Variants in EPHB2 observed in about 807,000 individuals in gnomAD.
EPHB2 encodes EPH receptor B2.
Under a neutral mutation model 96.4 loss-of-function variants are expected in EPHB2, and 18 were observed. That is an observed-to-expected ratio of 0.19 (90% CI 0.13 to 0.28). The LOEUF is 0.28. EPHB2 is among the 10% of genes least tolerant of loss of function. The pLI, the probability that EPHB2 is intolerant of heterozygous loss-of-function variation, is 1.00. For synonymous variants in EPHB2, 506 were observed against 534.1 expected, an observed-to-expected ratio of 0.95 and a Z score of 0.72; for missense variants, 989 against 1,355.4, an observed-to-expected ratio of 0.73 and a Z score of 4.25.
chr1:22,728,054 C>T (rs929378776), intron 1 of EPHB2, among the ~76,000 whole-genome samples: 2 of 152,006 alleles, frequency 1.3e-5, no homozygotes, highest in African/African-American at 4.8e-5. Context: ...TCAGTTTACC[C>T]GGCTGTAAAA....
intron 6 of EPHB2, among the ~76,000 whole-genome samples, chr1:22,890,357 A>G (rs1639351864): frequency 6.6e-6 from 1 of 152,148 alleles, no homozygotes; most frequent in African/African-American, 2.4e-5. Context: ...CTGGCTTGGC[A>G]AAAGAGACTT....
intron 3 of EPHB2, among the ~76,000 whole-genome samples, chr1:22,853,414 C>T (rs1010962183): frequency 3.3e-5 from 5 of 152,238 alleles, no homozygotes; most frequent in Admixed American, 6.5e-5. Flanking sequence ...TACCCACCAT[C>T]ACTGTCACTG....
intron 13 of EPHB2, among the ~76,000 whole-genome samples, 175 bp downstream of exon 13, chr1:22,909,346 C>G (rs1640017744): frequency 1.3e-5 from 2 of 152,212 alleles, no homozygotes; most frequent in Non-Finnish European, 2.9e-5. Context: ...AATGTCTGCA[C>G]AGGACTCTGG....
chr1:22,913,885 G>A lies in EPHB2; in HGVS notation c.*315G>A. On this transcript the variant is annotated 3_prime_UTR_variant, in exon 16 of 16. Coordinates refer to ENST00000374630, the MANE Select transcript of EPHB2 (RefSeq NM_017449.5). The surrounding 1 kb of genome is among the most constrained non-coding windows in gnomAD (Gnocchi z 4.1). ...GCGGGGGATAAAAAAGGGCTTGGGA[G>A]ATTCATGCGATGTGTCCAATCGGAG... is the stretch of plus-strand genomic sequence containing the variant. 1 of 1,578,916 alleles carries A rather than the reference G, an allele frequency of 6.3e-7. No homozygotes were observed. The highest frequency in any genetic ancestry group is 8.6e-7 in the Non-Finnish European group (1 of 1,164,590).
intron 1 of EPHB2, among the ~76,000 whole-genome samples, chr1:22,721,057 C>T (rs1468429634): frequency 6.6e-6 from 1 of 152,130 alleles, no homozygotes; most frequent in Admixed American, 6.5e-5. Context: ...CTTCATTCTA[C>T]TATGAAAGAC....
At position 22,909,105 on chromosome 1, in the gene EPHB2, C is replaced by T. The variant is rs775782724; in HGVS notation, c.2436C>T (p.Tyr812=). The change falls in exon 13 of 16, where the codon TAC becomes TAT. Residue 812 remains tyrosine, a synonymous_variant. Transcript: ENST00000374630. ...KFTSASDVWS[Y]GIVMWEVMSY... ...CCTCGGCCAGTGATGTGTGGAGCTA[C>T]GGCATTGTCATGTGGGAGGTGATGT... is the stretch of plus-strand genomic sequence containing the variant. 3.5e-5 allele frequency: 57 copies of T among 1,614,084 alleles called. No homozygotes were observed. The highest frequency in any genetic ancestry group is 4.0e-5 in the African/African-American group (3 of 74,934).
chr1:22,862,917 G>A, intron 3 of EPHB2, 120 bp from the exon 4 acceptor site: 1 of 1,302,810 alleles, frequency 7.7e-7, no homozygotes, highest in East Asian at 2.3e-5. Flanking sequence ...AGATTTTCCA[G>A]CAGTGGTGCT....
chr1:22,852,066 C>T (rs1645632183), intron 3 of EPHB2, among the ~76,000 whole-genome samples: 2 of 152,224 alleles, frequency 1.3e-5, no homozygotes. Flanking sequence ...TCCATGTCCT[C>T]GTCTGTGAAA....
rs957527390 is a variant in EPHB2 at position 22,790,683 on chromosome 1, C to A, written c.811+5607C>A. Among the ~76,000 whole-genome samples, 3 of 152,232 alleles carry A rather than the reference C, an allele frequency of 2.0e-5. No homozygotes were observed. The highest frequency in any genetic ancestry group is 1.3e-4 in the Admixed American group (2 of 15,286). ...CTTTGGGGACCTTGCTCTGTTCTCT[C>A]CCAGTGGCCAACCCGCATCTGCGAG... On this transcript the variant is annotated intron_variant, in intron 3 of 15. Transcript: ENST00000374630. The surrounding 1 kb of genome is among the most constrained non-coding windows in gnomAD (Gnocchi z 4.0).
intron 5 of EPHB2, among the ~76,000 whole-genome samples, chr1:22,874,912 C>A (rs1638788909): frequency 6.6e-6 from 1 of 152,134 alleles, no homozygotes; most frequent in Non-Finnish European, 1.5e-5. Flanking sequence ...GCCAAATGAG[C>A]CTGCGACCAC....
chr1:22,888,558 G>A (rs1030084360), intron 6 of EPHB2, among the ~76,000 whole-genome samples: 4 of 152,160 alleles, frequency 2.6e-5, no homozygotes, highest in African/African-American at 7.2e-5. Context: ...CTGGCCCTAA[G>A]CTACCAGGTA....
chr1:22,866,023 C>T (rs558785139), intron 5 of EPHB2, among the ~76,000 whole-genome samples: 1 of 152,194 alleles, frequency 6.6e-6, no homozygotes, highest in South Asian at 2.1e-4. Flanking sequence ...TCCACTTGGG[C>T]TCCTAGCCTC....
chr1:22,913,991 A>G lies in EPHB2; in HGVS notation c.*421A>G. The G allele has an allele frequency of 2.2e-6, 3 of 1,349,182 alleles. No individual in the cohort carries two copies. Among genetic ancestry groups the G allele is most frequent in the Non-Finnish European group, 3.0e-6 (3 of 1,009,958 alleles). 83.6% of individuals were successfully genotyped at this position (1,349,182 alleles called of 1,614,324 possible). On this transcript the variant is annotated 3_prime_UTR_variant, in exon 16 of 16. Transcript: ENST00000374630. The surrounding 1 kb of genome is among the most constrained non-coding windows in gnomAD (Gnocchi z 4.1). ...AAACACTTTCAGAAAAACAAATGTG[A>G]AGGGGAGAGACAGGGGCCGCCCTTG...
intron 1 of EPHB2, among the ~76,000 whole-genome samples, chr1:22,731,848 CAA>C (rs1305495356): frequency 6.6e-6 from 1 of 152,160 alleles, no homozygotes; most frequent in East Asian, 1.9e-4. Context: ...TCAAACAAAA[CAA>C]AACAACAACA....
chr1:22,738,139 T>C (rs1643866117), intron 1 of EPHB2, among the ~76,000 whole-genome samples: 2 of 152,238 alleles, frequency 1.3e-5, no homozygotes, highest in Non-Finnish European at 2.9e-5. Flanking sequence ...TCTTAGAGGC[T>C]ACCTGGCCCA....
At chr1:22,776,181 C>T (rs895490784) in intron 1 of EPHB2, among the ~76,000 whole-genome samples, 1 of 152,176 alleles carries the variant, frequency 6.6e-6, no homozygotes, top group African/African-American at 2.4e-5. Context: ...GCGCTTGATT[C>T]CCACAAACCC....
rs1261109380 is a variant in EPHB2, at chr1:22,917,854, G to C, written c.*4284G>C. 8 of 152,350 alleles carry C rather than the reference G, an allele frequency of 5.3e-5. No individual in the cohort carries two copies. The highest frequency in any genetic ancestry group is 5.2e-4 in the Admixed American group (8 of 15,282). 9.4% of individuals were successfully genotyped at this position (152,350 alleles called of 1,614,324 possible). On this transcript the variant is annotated 3_prime_UTR_variant, in exon 16 of 16. Coordinates refer to ENST00000374630, the MANE Select transcript of EPHB2 (RefSeq NM_017449.5). ...AAGAAAGCTCAAGTGGGCTGGGGCT[G>C]TCAGGGAGGGCTTCATGGAGAGGCT...
In EPHB2 at chr1:22,745,304, A is replaced by G. The variant is rs1643956810; in HGVS notation, c.61+34261A>G. Among the ~76,000 whole-genome samples the G allele has an allele frequency of 1.3e-5, 2 of 152,246 alleles. 1 individual carries two copies. Among genetic ancestry groups the G allele is most frequent in the South Asian group, 4.1e-4 (2 of 4,830 alleles). ...TGATAACACGCAGCATCATGGATAAATCTCAAGATCATTACACTTTGCAAA... is the reference window on the plus strand; with the variant it reads ...TGATAACACGCAGCATCATGGATAAGTCTCAAGATCATTACACTTTGCAAA... On this transcript the variant is annotated intron_variant, in intron 1 of 15. Transcript: ENST00000374630.
At chr1:22,782,197 T>C (rs1644542973) in intron 2 of EPHB2, among the ~76,000 whole-genome samples, 1 of 152,198 alleles carries the variant, frequency 6.6e-6, no homozygotes, top group South Asian at 2.1e-4. Context: ...AGCTTCAGTT[T>C]CTTCATCTAT....
Sources: gnomAD v4.1 joint callset for allele counts (sites outside exome capture counted in the v4.1 genomes callset) on GRCh38, gnomAD v4.1.1 for gene constraint, Gnocchi (gnomAD v3.1) non-coding constraint, MANE v1.5 for transcripts, NCBI Gene and HGNC (gene_info 2026-07-23, HGNC 2026-07-21) for gene names.